Variants in PDGFC observed in about 807,000 individuals in gnomAD.
The protein encoded by PDGFC is platelet-derived growth factor C.
In PDGFC, 12 loss-of-function variants were observed where a neutral mutation model predicts 35.5. That is an observed-to-expected ratio of 0.34 (90% confidence interval 0.22 to 0.55). The LOEUF is 0.55. Ranked by LOEUF, PDGFC falls within the 20% of genes least tolerant of loss-of-function variation. The probability of loss-of-function intolerance (pLI) is 0.91; values close to 1 mark genes in which losing one functional copy is unlikely to be tolerated. For synonymous variants in PDGFC, 159 were observed against 148.8 expected, an observed-to-expected ratio of 1.07 and a Z score of -0.50; for missense variants, 322 against 412.4, an observed-to-expected ratio of 0.78 and a Z score of 1.90.
chr4:156,799,387 T>G (rs577889710), intron 3 of PDGFC, among the ~76,000 whole-genome samples: 80 of 152,286 alleles, frequency 5.3e-4, no homozygotes, highest in Non-Finnish European at 1.0e-3. Context: ...GTGGTCACAT[T>G]GCAAAAAGCC....
At chr4:156,763,528 G>A (rs1730441415) in intron 5 of PDGFC, among the ~76,000 whole-genome samples, 1 of 152,138 alleles carries the variant, frequency 6.6e-6, no homozygotes, top group Admixed American at 6.5e-5. Context: ...TTCACCTTAA[G>A]TATTTTGGAA....
rs548829595 is a variant in PDGFC, at chr4:156,767,650, A to G, written c.921+123T>C. ...AAACAAAAACATAAACTATTTGTAG[A>G]CCTCTTTTTTTTCCCCATGAATACT... On this transcript the variant is annotated intron_variant, in intron 5 of 5. Transcript: ENST00000502773. The G allele has an allele frequency of 1.9e-4, 122 of 637,652 alleles. No individual in the cohort carries two copies. In the Middle Eastern group the frequency reaches 2.0e-3, roughly 11 times the overall value. The allele number at this position is 637,652 out of a possible 1,614,324, so 39.5% of individuals were successfully genotyped here. A position where few individuals can be genotyped will look rare whatever the true frequency, so the allele number is the denominator to read the frequency against.
intron 1 of PDGFC, among the ~76,000 whole-genome samples, chr4:156,889,615 T>C (rs553061732): frequency 6.6e-6 from 1 of 152,202 alleles, no homozygotes; most frequent in Non-Finnish European, 1.5e-5. Context: ...CTTTTTGTCA[T>C]GGGTATTAAG....
chr4:156,869,301 T>C lies in PDGFC; in HGVS notation c.119-18885A>G, dbSNP rs569289661. Among the ~76,000 whole-genome samples, 47 of 151,932 alleles carry C rather than the reference T, an allele frequency of 3.1e-4. 1 individual carries two copies. The highest frequency in any genetic ancestry group is 6.8e-3 in the Middle Eastern group (2 of 294). The stretch of plus-strand genomic sequence containing the variant: ...AATACAAAAAATTAGCCAGGCATGG[T>C]GGCGGGTGCCTGTAGTCCCAGCTAC... On this transcript the variant is annotated intron_variant, in intron 1 of 5. Transcript: ENST00000502773.
intron 1 of PDGFC, among the ~76,000 whole-genome samples, chr4:156,914,685 G>T (rs1731117184): frequency 1.3e-5 from 2 of 152,120 alleles, no homozygotes; most frequent in Non-Finnish European, 2.9e-5. Context: ...AAGCAAGCTG[G>T]CATCATCCTT....
At chr4:156,795,844 G>T (rs1047348643) in intron 3 of PDGFC, among the ~76,000 whole-genome samples, 1 of 152,166 alleles carries the variant, frequency 6.6e-6, no homozygotes, top group East Asian at 1.9e-4. Flanking sequence ...AAAAATGAAG[G>T]GCTTTTAAAG....
chr4:156,846,640 A>C (rs1729333385), intron 2 of PDGFC, among the ~76,000 whole-genome samples: 1 of 151,850 alleles, frequency 6.6e-6, no homozygotes, highest in African/African-American at 2.4e-5. Context: ...ACACTGGGTA[A>C]GAGTTTCATA....
intron 1 of PDGFC, among the ~76,000 whole-genome samples, chr4:156,880,847 T>G (rs1730224512): frequency 6.7e-6 from 1 of 148,768 alleles, no homozygotes; most frequent in African/African-American, 2.6e-5. Context: ...GGATGAGGAG[T>G]TGTGAGGAGT....
chr4:156,782,222 A>C (rs1180205593), intron 3 of PDGFC, among the ~76,000 whole-genome samples: 1 of 152,218 alleles, frequency 6.6e-6, no homozygotes, highest in Non-Finnish European at 1.5e-5. Context: ...TGTGCTAAAG[A>C]ACTTAAAAAA....
chr4:156,885,841 C>T (rs1052227785), intron 1 of PDGFC, among the ~76,000 whole-genome samples: 9 of 151,996 alleles, frequency 5.9e-5, no homozygotes, highest in Non-Finnish European at 1.2e-4. Flanking sequence ...GATATAAATG[C>T]CACTGCACTC....
intron 1 of PDGFC, among the ~76,000 whole-genome samples, chr4:156,924,673 C>A (rs1457335656): frequency 6.6e-6 from 1 of 152,134 alleles, no homozygotes; most frequent in Non-Finnish European, 1.5e-5. Context: ...AGTGAAGGGT[C>A]CCTTATCATG....
At chr4:156,776,211 C>A (rs1237197861) in intron 3 of PDGFC, among the ~76,000 whole-genome samples, 1 of 152,170 alleles carries the variant, frequency 6.6e-6, no homozygotes, top group Non-Finnish European at 1.5e-5. Flanking sequence ...AGCATTTTCT[C>A]CCATAATTAG....
intron 1 of PDGFC, among the ~76,000 whole-genome samples, chr4:156,958,625 G>C (rs189705343): frequency 6.6e-6 from 1 of 151,940 alleles, no homozygotes; most frequent in Non-Finnish European, 1.5e-5. Context: ...AAATTATTTC[G>C]TTTCCTGTGC....
intron 1 of PDGFC, among the ~76,000 whole-genome samples, chr4:156,901,756 C>T (rs62331505): frequency 2.0e-5 from 3 of 151,828 alleles, no homozygotes; most frequent in Middle Eastern, 3.2e-3. Flanking sequence ...CTGAGGAGCT[C>T]GGTGTACCAC....
intron 1 of PDGFC, among the ~76,000 whole-genome samples, chr4:156,934,486 C>T (rs1270688946): frequency 6.6e-6 from 1 of 152,118 alleles, no homozygotes; most frequent in Non-Finnish European, 1.5e-5. Flanking sequence ...AGGCCTAGCA[C>T]ATTACTGTAC....
At chr4:156,878,331 A>C (rs1381003163) in intron 1 of PDGFC, among the ~76,000 whole-genome samples, 1 of 152,208 alleles carries the variant, frequency 6.6e-6, no homozygotes, top group Non-Finnish European at 1.5e-5. Flanking sequence ...GTGCTTAGGA[A>C]TAAGGAAATG....
At chr4:156,912,252 A>C (rs550852839) in intron 1 of PDGFC, among the ~76,000 whole-genome samples, 1 of 152,328 alleles carries the variant, frequency 6.6e-6, no homozygotes, top group African/African-American at 2.4e-5. Flanking sequence ...CACCTCATAT[A>C]TTTCATTTGG....
chr4:156,811,047 A>G (rs370781035), intron 2 of PDGFC, 30 bp from the exon 3 acceptor site: 1 of 1,440,892 alleles, frequency 6.9e-7, no homozygotes. Flanking sequence ...AAGAGACATC[A>G]TTTCATAATC....
At chr4:156,791,632 C>T (rs1731302406) in intron 3 of PDGFC, among the ~76,000 whole-genome samples, 2 of 152,022 alleles carry the variant, frequency 1.3e-5, no homozygotes. Flanking sequence ...CTGCTAAATA[C>T]AAAGCAGTGC....
Sources: allele counts gnomAD v4.1 joint callset (sites outside exome capture counted in the v4.1 genomes callset), GRCh38; gene constraint gnomAD v4.1.1; transcripts MANE v1.5; gene names NCBI Gene and HGNC (gene_info 2026-07-23, HGNC 2026-07-21).